Variants in IGFBP7 observed in about 807,000 individuals in gnomAD.
The protein encoded by IGFBP7 is insulin like growth factor binding protein 7.
IGFBP7 carries 31 observed loss-of-function variants against 29.4 expected under a neutral mutation model. The observed-to-expected ratio is 1.05, with a 90% CI of 0.79 to 1.42. The LOEUF (loss-of-function observed/expected upper bound fraction) is 1.42, where lower values mean the gene tolerates loss of function less well. Among genes scored for constraint, IGFBP7 ranks in the 40% most tolerant of loss-of-function variants. The pLI, the probability that IGFBP7 is intolerant of heterozygous loss-of-function variation, is 0.00. For missense variants in IGFBP7, 393 were observed against 395.5 expected (o/e 0.99, Z 0.05); for synonymous variants, 172 against 174.9 (o/e 0.98, Z 0.13).
rs1172924362 is a variant in IGFBP7, at chr4:57,109,864, C to T, written c.475+13G>A. 2 of 1,535,778 alleles carry T rather than the reference C, an allele frequency of 1.3e-6. No individual in the cohort carries two copies. Among genetic ancestry groups the T allele is most frequent in the Non-Finnish European group, 8.7e-7 (1 of 1,147,050 alleles). On this transcript the variant is annotated intron_variant, in intron 1 of 4. Coordinates refer to ENST00000295666, the MANE Select transcript of IGFBP7 (RefSeq NM_001553.3). ...AGCGGCGCAGGGTTGGAGAGGGAAG[C>T]GCTCGTGCCCACCTTGCTCGCAGGT...
intron 1 of IGFBP7, among the ~76,000 whole-genome samples, chr4:57,047,344 C>T (rs7669759): frequency 0.094 from 14,287 of 152,182 alleles, 817 homozygotes; most frequent in African/African-American, 0.15. Context: ...GTGAGGCCTC[C>T]CCAGCCTCAT....
At chr4:57,104,474 T>C (rs1333427031) in intron 1 of IGFBP7, among the ~76,000 whole-genome samples, 4 of 152,182 alleles carry the variant, frequency 2.6e-5, no homozygotes, top group African/African-American at 7.2e-5. Flanking sequence ...AATTAACAAC[T>C]TCATTTAATT....
chr4:57,043,812 C>A (rs1184374486), intron 1 of IGFBP7, among the ~76,000 whole-genome samples: 1 of 152,192 alleles, frequency 6.6e-6, no homozygotes, highest in Non-Finnish European at 1.5e-5. Flanking sequence ...ATTTCCTAGT[C>A]TGGATGCAGC....
At position 57,110,322 on chromosome 4, in the gene IGFBP7, G is replaced by T. The variant is rs926524788; in HGVS notation, c.30C>A (p.Leu10=). The T allele has an allele frequency of 2.1e-6, 3 of 1,400,174 alleles. No homozygotes were observed. The highest frequency in any genetic ancestry group is 2.8e-6 in the Non-Finnish European group (3 of 1,074,948). The allele number at this position is 1,400,174 out of a possible 1,614,324, so 86.7% of individuals were successfully genotyped here. A position where few individuals can be genotyped will look rare whatever the true frequency, so the allele number is the denominator to read the frequency against. The change falls in exon 1 of 5, where the codon CTC becomes CTA. Residue 10 remains leucine (L), a synonymous_variant. Coordinates refer to ENST00000295666, the MANE Select transcript of IGFBP7 (RefSeq NM_001553.3). ...GGAGCAGCAGCCCAGCGGCGCCGAG[G>T]AGCAGGGCGCGCAGCGACGGCCGCT... MERPSLRAL[L]LGAAGLLLLL... is the part of the protein sequence containing the mutation.
chr4:57,063,632 C>T (rs1016312536), intron 1 of IGFBP7, among the ~76,000 whole-genome samples: 1 of 152,128 alleles, frequency 6.6e-6, no homozygotes, highest in South Asian at 2.1e-4. Context: ...TACTTTTATT[C>T]CACAGTTTGT....
intron 1 of IGFBP7, among the ~76,000 whole-genome samples, chr4:57,062,676 T>C (rs1444568950): frequency 6.6e-6 from 1 of 152,222 alleles, no homozygotes; most frequent in Non-Finnish European, 1.5e-5. Flanking sequence ...AAAATCAGTA[T>C]TTGAAAATAT....
chr4:57,088,771 G>A (rs1725560996), intron 1 of IGFBP7, among the ~76,000 whole-genome samples: 1 of 152,068 alleles, frequency 6.6e-6, no homozygotes, highest in Admixed American at 6.6e-5. Flanking sequence ...GCTCACGTCT[G>A]TAATCCCAGC....
At chr4:57,082,720 CCAA>C (rs1370475479) in intron 1 of IGFBP7, among the ~76,000 whole-genome samples, 1 of 152,090 alleles carries the variant, frequency 6.6e-6, no homozygotes, top group Non-Finnish European at 1.5e-5. Context: ...TCCTAACCCC[CCAA>C]CAACTTATAT....
intron 1 of IGFBP7, among the ~76,000 whole-genome samples, chr4:57,064,901 T>C (rs1189491547): frequency 6.6e-6 from 1 of 152,240 alleles, no homozygotes; most frequent in Non-Finnish European, 1.5e-5. Context: ...ATGGAAACAG[T>C]GCGAAGCTAA....
chr4:57,109,191 G>A (rs1267766553), intron 1 of IGFBP7, among the ~76,000 whole-genome samples: 4 of 152,044 alleles, frequency 2.6e-5, no homozygotes, highest in African/African-American at 7.2e-5. Context: ...ATCCCAGCAG[G>A]CCGGGATTAC....
chr4:57,059,088 A>G (rs567461587), intron 1 of IGFBP7, among the ~76,000 whole-genome samples: 10 of 152,340 alleles, frequency 6.6e-5, no homozygotes, highest in Non-Finnish European at 1.2e-4. Context: ...TAAATAGTCA[A>G]AAAACAACAG....
chr4:57,038,935 G>T (rs1489949012), intron 2 of IGFBP7, among the ~76,000 whole-genome samples: 1 of 151,846 alleles, frequency 6.6e-6, no homozygotes, highest in Non-Finnish European at 1.5e-5. Context: ...GCGTGGTGGC[G>T]GGTGCCTGTA....
At chr4:57,047,563 A>G (rs556824341) in intron 1 of IGFBP7, among the ~76,000 whole-genome samples, 57 of 152,346 alleles carry the variant, frequency 3.7e-4, no homozygotes, top group African/African-American at 1.3e-3. Flanking sequence ...ATTCACTACT[A>G]TGAAATACAT....
At chr4:57,094,486 A>G (rs1578648808) in intron 1 of IGFBP7, among the ~76,000 whole-genome samples, 1 of 152,150 alleles carries the variant, frequency 6.6e-6, no homozygotes, top group Admixed American at 6.5e-5. Context: ...GCCTCCCACA[A>G]AACCTTCCTG....
intron 1 of IGFBP7, among the ~76,000 whole-genome samples, chr4:57,071,347 T>C (rs952839034): frequency 6.6e-6 from 1 of 152,226 alleles, no homozygotes. Flanking sequence ...CTGCATGCGT[T>C]AGGAGAGCAG....
chr4:57,054,951 G>T (rs1328522622), intron 1 of IGFBP7, among the ~76,000 whole-genome samples: 7 of 152,094 alleles, frequency 4.6e-5, no homozygotes, highest in Non-Finnish European at 1.5e-5. Context: ...GCACCACTCT[G>T]CCCAAGGAAA....
At chr4:57,056,372 C>T (rs568713062) in intron 1 of IGFBP7, among the ~76,000 whole-genome samples, 28 of 152,210 alleles carry the variant, frequency 1.8e-4, no homozygotes, top group Non-Finnish European at 3.4e-4. Context: ...GCTAGTTCTT[C>T]TCGTGTGTGT....
intron 1 of IGFBP7, among the ~76,000 whole-genome samples, chr4:57,076,858 C>T (rs1230641780): frequency 2.0e-5 from 3 of 152,120 alleles, no homozygotes; most frequent in Non-Finnish European, 4.4e-5. Flanking sequence ...GGATATCCAA[C>T]AATAAAGAGA....
In IGFBP7 at chr4:57,030,845, A is replaced by G; in HGVS notation, c.*472T>C. ...TCTTTGTCTTTTTCTGGGGTAGAGAAGTGGGGTCACTTCAATACAATTCTG... is the reference window on the plus strand; with the variant it reads ...TCTTTGTCTTTTTCTGGGGTAGAGAGGTGGGGTCACTTCAATACAATTCTG... On this transcript the variant is annotated 3_prime_UTR_variant, in exon 5 of 5. Transcript: ENST00000295666. 1 of 975,870 alleles carries G rather than the reference A, an allele frequency of 1.0e-6. No homozygotes were observed. The highest frequency in any genetic ancestry group is 1.7e-6 in the Non-Finnish European group (1 of 598,690). 60.5% of individuals were successfully genotyped at this position (975,870 alleles called of 1,614,324 possible).
Sources: allele counts gnomAD v4.1 joint callset (sites outside exome capture counted in the v4.1 genomes callset), GRCh38; gene constraint gnomAD v4.1.1; transcripts MANE v1.5; gene names NCBI Gene and HGNC (gene_info 2026-07-23, HGNC 2026-07-21).